The following MCM3AP variants were observed in gnomAD, a reference collection of about 807,000 sequenced individuals.
MCM3AP encodes minichromosome maintenance complex component 3 associated protein.
A neutral mutation model predicts 184.1 loss-of-function variants in MCM3AP; 126 were observed. That is an observed-to-expected ratio of 0.68 (90% CI 0.59 to 0.79). The LOEUF (loss-of-function observed/expected upper bound fraction) is 0.79. MCM3AP is among the 30% of genes least tolerant of loss of function. MCM3AP has a pLI of 0.00. For missense variants in MCM3AP, 2,496 were observed against 2,479.2 expected, an observed-to-expected ratio of 1.01 and a Z score of -0.14; for synonymous variants, 1,002 against 979.3, an observed-to-expected ratio of 1.02 and a Z score of -0.43.
chr21:46,277,384 CTA>C (rs2081269425), intron 5 of MCM3AP, 141 bp downstream of exon 5: 1 of 546,338 alleles, frequency 1.8e-6, no homozygotes, highest in Non-Finnish European at 3.2e-6. Context: ...GACAGGCAGA[CTA>C]TGAAGATCAG....
At chr21:46,271,328 T>TG (rs2081177067) in intron 8 of MCM3AP, among the ~76,000 whole-genome samples, 1 of 132,256 alleles carries the variant, frequency 7.6e-6, no homozygotes, top group African/African-American at 2.6e-5. Context: ...ACACCTGGGT[T>TG]TTTTTTTTTT....
intron 2 of MCM3AP, 77 bp downstream of exon 2, chr21:46,283,538 G>T: frequency 1.1e-6 from 1 of 921,702 alleles, no homozygotes; most frequent in South Asian, 1.5e-5. Context: ...ACAACTGAGG[G>T]ACCAAAAAAA....
rs2080715896 is a variant in MCM3AP at position 46,243,710 on chromosome 21, G to A, written c.5051C>T (p.Pro1684Leu). 1.2e-6 allele frequency: 2 copies of A among 1,613,964 alleles called. No homozygotes were observed. Among genetic ancestry groups the A allele is most frequent in the Non-Finnish European group, 1.7e-6 (2 of 1,180,016 alleles). Residue 1684 changes from proline to leucine, a missense_variant, in exon 24 of 28, where the codon CCC (proline) becomes CTC (leucine). By Grantham distance (98) the Pro-to-Leu change is moderately conservative. This residue lies in a region of MCM3AP where 1,323 missense variants were observed against 1,273.4 expected (regional missense o/e 1.04). Transcript: ENST00000291688. ...DLPPLGAPWL[P>L]VCSMVVQYAS... is the part of the protein sequence containing the mutation. ...GTACTGGACAACCATGGAGCACACG[G>A]GGAGCCAGGGGGCTGGGGAGAAAGT...
rs769493219 is a variant in MCM3AP at position 46,245,141 on chromosome 21, G to A, written c.4704C>T (p.Cys1568=). ...CGACGTACTGAATGAGAGTCTGGCA[G>A]CAGAGGTCAAGGGAATGGGGGCAGT... ...VSHCPHSLDL[C]CQTLIQYVED... is the part of the protein sequence containing the mutation. The change falls in exon 23 of 28, where the codon TGC becomes TGT. Residue 1568 remains cysteine (C), a synonymous_variant. Coordinates refer to ENST00000291688, the MANE Select transcript of MCM3AP (RefSeq NM_003906.5). The A allele has an allele frequency of 2.0e-5, 32 of 1,614,206 alleles. No individual in the cohort carries two copies. The highest frequency in any genetic ancestry group is 2.7e-5 in the Non-Finnish European group (32 of 1,180,012).
At position 46,254,487 on chromosome 21, in the gene MCM3AP, C is replaced by T; in HGVS notation, c.4041G>A (p.Val1347=). ...AWASLDLPSL[V]AEHLPGRQEH... is the part of the protein sequence containing the mutation. ...CCTGCCTCCCAGGGAGGTGCTCAGC[C>T]ACGAGGGATGGCAGGTCCAGAGACG... Residue 1347 remains valine (V), a synonymous_variant, in exon 19 of 28, where the codon GTG becomes GTA. Coordinates refer to ENST00000291688, the MANE Select transcript of MCM3AP (RefSeq NM_003906.5). 6.2e-7 allele frequency: 1 copy of T among 1,614,132 alleles called. No homozygotes were observed. The highest frequency in any genetic ancestry group is 8.5e-7 in the Non-Finnish European group (1 of 1,180,038).
intron 15 of MCM3AP, chr21:46,259,313 T>C: frequency 2.9e-6 from 1 of 346,764 alleles, no homozygotes; most frequent in Non-Finnish European, 5.2e-6. Context: ...AAAATTAGCC[T>C]GGTGTGGTGG....
chr21:46,264,087 A>G, intron 13 of MCM3AP, 30 bp downstream of exon 13: 3 of 1,506,460 alleles, frequency 2.0e-6, no homozygotes, highest in South Asian at 2.3e-5. Context: ...CGCAGCACGT[A>G]GCAGGAGGGG....
chr21:46,264,230 C>A lies in MCM3AP; in HGVS notation c.3235-13G>T. 6.4e-7 allele frequency: 1 copy of A among 1,570,250 alleles called. No homozygotes were observed. The highest frequency in any genetic ancestry group is 8.7e-7 in the Non-Finnish European group (1 of 1,142,988). On this transcript the variant is annotated splice_polypyrimidine_tract_variant and intron_variant, in intron 12 of 27. Coordinates refer to ENST00000291688, the MANE Select transcript of MCM3AP (RefSeq NM_003906.5). ...CCTGCGCCAGGTCCTGTGGAGAGAC[C>A]AGCATGGGGTGTAATGGAACGTCCC... is the stretch of plus-strand genomic sequence containing the variant.
intron 12 of MCM3AP, among the ~76,000 whole-genome samples, 183 bp downstream of exon 12, chr21:46,265,138 C>G (rs769351594): frequency 2.0e-5 from 3 of 152,208 alleles, no homozygotes; most frequent in African/African-American, 4.8e-5. Flanking sequence ...GAGATGAAGA[C>G]GGACTCCAGA....
chr21:46,275,387 G>C, intron 5 of MCM3AP, 62 bp from the exon 6 acceptor site: 1 of 1,375,672 alleles, frequency 7.3e-7, no homozygotes, highest in Non-Finnish European at 9.9e-7. Flanking sequence ...CTACAGAAGT[G>C]TATTCTCATA....
intron 5 of MCM3AP, among the ~76,000 whole-genome samples, chr21:46,275,892 G>T (rs1454753180): frequency 4.6e-5 from 7 of 152,184 alleles, no homozygotes; most frequent in Non-Finnish European, 1.0e-4. Context: ...AATGTAGCTT[G>T]CAAGGAAAAG....
At position 46,241,020 on chromosome 21, in the gene MCM3AP, G is replaced by GTTT. The variant is rs778453357; in HGVS notation, c.5427-4_5427-3insAAA. The GTTT allele has an allele frequency of 6.2e-7, 1 of 1,602,040 alleles. No individual in the cohort carries two copies. The highest frequency in any genetic ancestry group is 8.5e-7 in the Non-Finnish European group (1 of 1,170,638). ...GATGAAAAGGCTTTATTGCCAAACT[G>GTTT]TAAGTACATGATTTGAAATGTTTAT... On this transcript the variant is annotated splice_polypyrimidine_tract_variant and splice_region_variant and intron_variant, in intron 25 of 27. Coordinates refer to ENST00000291688, the MANE Select transcript of MCM3AP (RefSeq NM_003906.5).
chr21:46,251,598 C>G lies in MCM3AP; in HGVS notation c.4221G>C (p.Gln1407His). The stretch of plus-strand genomic sequence containing the variant: ...TAAGTGAGTTGAAAAGCGAAAGCGT[C>G]TGAATCCCACCAGCATCGCTGGATG... ...DDTSSDAGGI[Q>H]TLSLFNSLSS... The change falls in exon 20 of 28, where the codon CAG becomes CAC. Residue 1407 changes from glutamine (Q) to histidine (H), a missense_variant. Gln to His is a conservative substitution (Grantham distance 24, BLOSUM62 0). Transcript: ENST00000291688. 1 of 1,612,952 alleles carries G rather than the reference C, an allele frequency of 6.2e-7. No homozygotes were observed. Among genetic ancestry groups the G allele is most frequent in the Non-Finnish European group, 8.5e-7 (1 of 1,178,960 alleles).
intron 9 of MCM3AP, among the ~76,000 whole-genome samples, chr21:46,268,238 G>A (rs934129104): frequency 6.6e-6 from 1 of 152,224 alleles, no homozygotes; most frequent in South Asian, 2.1e-4. Context: ...AATAGACAAA[G>A]GAAAAACATG....
chr21:46,258,592 G>A (rs896725594), intron 16 of MCM3AP, among the ~76,000 whole-genome samples: 4 of 152,074 alleles, frequency 2.6e-5, no homozygotes, highest in African/African-American at 9.7e-5. Context: ...CCTTATTGGT[G>A]CATGCAGCCA....
Position 46,273,393 on chromosome 21 carries a change from G to A in MCM3AP, c.2191C>T (p.Arg731Trp), listed in dbSNP as rs2081210086. 3 of 1,613,848 alleles carry A rather than the reference G, an allele frequency of 1.9e-6. No homozygotes were observed. Among genetic ancestry groups the A allele is most frequent in the South Asian group, 1.1e-5 (1 of 91,060 alleles). The change falls in exon 7 of 28, where the codon CGG (arginine) becomes TGG (tryptophan). Residue 731 changes from arginine (R) to tryptophan (W), a missense_variant. By Grantham distance (101) the Arg-to-Trp change is moderately radical (BLOSUM62 -3). This residue lies in a region of MCM3AP where 130 missense variants were observed against 199.8 expected (regional missense o/e 0.65). Transcript: ENST00000291688. The part of the protein sequence containing the change: ...DFVWNRTRGI[R>W]KDITQQHLCD... ...AGGTTGGAGGCAGCCAATACCTTCCGTATGCCACGCGTGCGGTTCCACACG... is the reference window on the plus strand; with the variant it reads ...AGGTTGGAGGCAGCCAATACCTTCCATATGCCACGCGTGCGGTTCCACACG...
intron 3 of MCM3AP, 109 bp from the exon 4 acceptor site, chr21:46,280,246 G>T: frequency 8.0e-7 from 1 of 1,249,412 alleles, no homozygotes; most frequent in Non-Finnish European, 1.2e-6. Flanking sequence ...GTCACAGGAG[G>T]TTAGAGAAGA....
At position 46,259,221 on chromosome 21, in the gene MCM3AP, C is replaced by T. The variant is rs866677480; in HGVS notation, c.3582-130G>A. 294 of 805,030 alleles carry T rather than the reference C, an allele frequency of 3.7e-4. No individual in the cohort carries two copies. The Middle Eastern group carries it at 4.6e-3, about 13-fold the overall frequency. The allele number at this position is 805,030 out of a possible 1,614,324, so 49.9% of individuals were successfully genotyped here. ...CTGTAATCCCAGCACTTTGGAAGGC[C>T]GAAGCGGGTGGATCATGAGGTCAAG... On this transcript the variant is annotated intron_variant, in intron 15 of 27. Transcript: ENST00000291688.
intron 26 of MCM3AP, among the ~76,000 whole-genome samples, chr21:46,239,433 T>C (rs2080609298): frequency 6.6e-6 from 1 of 152,230 alleles, no homozygotes; most frequent in South Asian, 2.1e-4. Context: ...TCTGAATGTA[T>C]TTTCAATAGA....
Sources: gnomAD v4.1 joint callset for allele counts (sites outside exome capture counted in the v4.1 genomes callset) on GRCh38, gnomAD v4.1.1 for gene constraint, gnomAD v4.1.1 regional missense constraint, MANE v1.5 for transcripts, NCBI Gene and HGNC (gene_info 2026-07-23, HGNC 2026-07-21) for gene names.